Variants in ATP2A2 observed in about 807,000 individuals in gnomAD.
The protein encoded by ATP2A2 is sarcoplasmic/endoplasmic reticulum calcium ATPase 2.
ATP2A2 carries 14 observed loss-of-function variants against 109.3 expected under a neutral mutation model. The ratio of observed to expected loss-of-function variants is 0.13; its 90% confidence interval spans 0.08 to 0.20. The LOEUF is 0.20. ATP2A2 is among the 10% of genes least tolerant of loss of function. The probability of loss-of-function intolerance (pLI) is 1.00; values close to 1 mark genes in which losing one functional copy is unlikely to be tolerated. For synonymous variants in ATP2A2, 506 were observed against 490.9 expected, an observed-to-expected ratio of 1.03 and a Z score of -0.41; for missense variants, 657 against 1,321.6, an observed-to-expected ratio of 0.50 and a Z score of 7.80.
intron 5 of ATP2A2, among the ~76,000 whole-genome samples, chr12:110,318,382 TC>T (rs1876886735): frequency 6.6e-6 from 1 of 152,190 alleles, no homozygotes; most frequent in Non-Finnish European, 1.5e-5. Flanking sequence ...TACTTTTACT[TC>T]CTAGCCTGAG....
At position 110,293,864 on chromosome 12, in the gene ATP2A2, GTA is replaced by G. The variant is rs1566204008; in HGVS notation, c.324+1746_324+1747del. Reference sequence around the variant, plus strand: ...TGTGTGTGTGTGTGTGTGTGTGTGTGTATATATTTTTTTTTTTTTTTTTTTTT... The same window carrying G: ...TGTGTGTGTGTGTGTGTGTGTGTGTGTATATTTTTTTTTTTTTTTTTTTTT... On this transcript the variant is annotated intron_variant, in intron 4 of 19. Transcript: ENST00000539276. Among the ~76,000 whole-genome samples the G allele has an allele frequency of 4.0e-4, 34 of 84,860 alleles. 1 individual carries two copies. The highest frequency in any genetic ancestry group is 9.1e-4 in the South Asian group (3 of 3,290). 55.7% of individuals were successfully genotyped at this position (84,860 alleles called of 152,430 possible).
chr12:110,332,617 G>A lies in ATP2A2; in HGVS notation c.1116G>A (p.Val372=). Residue 372 remains valine (V), a synonymous_variant, in exon 9 of 20, where the codon GTG becomes GTA. Coordinates refer to ENST00000539276, the MANE Select transcript of ATP2A2 (RefSeq NM_170665.4). ...TACAGATGTTCATTCTGGACAGAGTGGAAGGTGATACTTGTTCCCTTAATG... is the reference window on the plus strand; with the variant it reads ...TACAGATGTTCATTCTGGACAGAGTAGAAGGTGATACTTGTTCCCTTAATG... ...SVCRMFILDR[V]EGDTCSLNEF... The A allele has an allele frequency of 1.2e-6, 2 of 1,613,424 alleles. No individual in the cohort carries two copies. Among genetic ancestry groups the A allele is most frequent in the Admixed American group, 1.7e-5 (1 of 60,028 alleles).
chr12:110,282,633 A>G lies in ATP2A2; in HGVS notation c.136+12A>G, dbSNP rs777008704. The G allele has an allele frequency of 6.8e-6, 11 of 1,613,562 alleles. No individual in the cohort carries two copies. The highest frequency in any genetic ancestry group is 1.3e-5 in the African/African-American group (1 of 74,758). On this transcript the variant is annotated intron_variant, in intron 2 of 19. Transcript: ENST00000539276. ...ACCGGCTGAAGAAGGTAATCTTAAC[A>G]TGCTGTTTCTGTTTTTTTTCCTCTG...
Position 110,281,552 on chromosome 12 carries a change from T to G in ATP2A2, c.-238T>G, listed in dbSNP as rs983622833. 9.5e-5 allele frequency: 22 copies of G among 230,812 alleles called. No individual in the cohort carries two copies. Among genetic ancestry groups the G allele is most frequent in the South Asian group, 3.0e-4 (2 of 6,626 alleles). The allele number at this position is 230,812 out of a possible 1,614,324, so 14.3% of individuals were successfully genotyped here. On this transcript the variant is annotated 5_prime_UTR_variant, in exon 1 of 20. Coordinates refer to ENST00000539276, the MANE Select transcript of ATP2A2 (RefSeq NM_170665.4). ...TCCCTTCTGGCGAGGGGAGGGAGGG[T>G]GGGTCAGGAGCCCCCAACCCGCCCT... is the stretch of plus-strand genomic sequence containing the variant.
rs1232928103 is a variant in ATP2A2 at position 110,348,951 on chromosome 12, G to A, written c.*2481G>A. 1 of 985,438 alleles carries A rather than the reference G, an allele frequency of 1.0e-6. No individual in the cohort carries two copies. 61.0% of individuals were successfully genotyped at this position (985,438 alleles called of 1,614,324 possible). On this transcript the variant is annotated 3_prime_UTR_variant, in exon 20 of 20. Coordinates refer to ENST00000539276, the MANE Select transcript of ATP2A2 (RefSeq NM_170665.4). ...GTGCAAACAAAACTCAGCTTTTCCT[G>A]ACTCAGTTCCTTGACTTAGTGGCCT...
intron 10 of ATP2A2, 106 bp downstream of exon 10, chr12:110,333,389 C>A: frequency 9.1e-7 from 1 of 1,098,906 alleles, no homozygotes; most frequent in Non-Finnish European, 1.4e-6. Flanking sequence ...GTCAAGGGTG[C>A]CTGATTTTGT....
At chr12:110,315,898 CACTGTGCTCCAGCCTGGGTG>C (rs1876614626) in intron 5 of ATP2A2, among the ~76,000 whole-genome samples, 1 of 152,176 alleles carries the variant, frequency 6.6e-6, no homozygotes, top group African/African-American at 2.4e-5. Flanking sequence ...GAGATCACGC[CACTGTGCTCCAGCCTGGGTG>C]ACAGAGCAAA....
intron 1 of ATP2A2, 52 bp from the exon 2 acceptor site, chr12:110,282,552 T>G: frequency 1.2e-6 from 2 of 1,605,334 alleles, no homozygotes; most frequent in East Asian, 2.2e-5. Flanking sequence ...CTCTCTTTTT[T>G]TTTTTAACCT....
Position 110,282,434 on chromosome 12 carries a change from C to T in ATP2A2, c.119-170C>T, listed in dbSNP as rs573952845. Among the ~76,000 whole-genome samples the T allele has an allele frequency of 9.9e-5, 15 of 151,990 alleles. 1 individual carries two copies. In the South Asian group the frequency reaches 2.5e-3, roughly 25 times the overall value. On this transcript the variant is annotated intron_variant, in intron 1 of 19. Coordinates refer to ENST00000539276, the MANE Select transcript of ATP2A2 (RefSeq NM_170665.4). ...TCCTTGAGATATCTTCGTGGTATGC[C>T]CTCTGCTAAAAAAATCGGATATTCT... is the stretch of plus-strand genomic sequence containing the variant.
In ATP2A2 at chr12:110,346,610, C is replaced by T. The variant is rs2137876655; in HGVS notation, c.*140C>T. The stretch of plus-strand genomic sequence containing the variant: ...GTTTCATACTCTAGATTTTGTTTTG[C>T]TTTTTCTGACTCCAGTGGGGCAAGA... On this transcript the variant is annotated 3_prime_UTR_variant, in exon 20 of 20. Transcript: ENST00000539276. 5 of 1,502,718 alleles carry T rather than the reference C, an allele frequency of 3.3e-6. No homozygotes were observed. The highest frequency in any genetic ancestry group is 1.7e-4 in the Middle Eastern group (1 of 5,742). The allele number at this position is 1,502,718 out of a possible 1,614,324, so 93.1% of individuals were successfully genotyped here.
chr12:110,346,552 A>G lies in ATP2A2; in HGVS notation c.*82A>G. 6.3e-7 allele frequency: 1 copy of G among 1,579,214 alleles called. No individual in the cohort carries two copies. The highest frequency in any genetic ancestry group is 1.1e-5 in the South Asian group (1 of 87,254). On this transcript the variant is annotated 3_prime_UTR_variant, in exon 20 of 20. Transcript: ENST00000539276. ...TAAAGCAACTGTCTATTTCTGCTGA[A>G]TTTTCACATGAACATACTGGCTGGT... is the stretch of plus-strand genomic sequence containing the variant.
At position 110,346,290 on chromosome 12, in the gene ATP2A2, C is replaced by T; in HGVS notation, c.2949C>T (p.Leu983=). Residue 983 remains leucine (L), a synonymous_variant, in exon 20 of 20, where the codon CTC becomes CTT. Coordinates refer to ENST00000539276, the MANE Select transcript of ATP2A2 (RefSeq NM_170665.4). The part of the protein sequence containing the change: ...SLPVILMDET[L]KFVARNYLEP... ...CCGTGATTCTCATGGATGAGACGCT[C>T]AAGTTTGTGGCCCGCAACTACCTGG... The T allele has an allele frequency of 1.2e-6, 2 of 1,614,142 alleles. No homozygotes were observed. The highest frequency in any genetic ancestry group is 1.7e-6 in the Non-Finnish European group (2 of 1,180,018).
At chr12:110,311,413 C>T (rs1472346525) in intron 5 of ATP2A2, among the ~76,000 whole-genome samples, 1 of 151,728 alleles carries the variant, frequency 6.6e-6, no homozygotes, top group East Asian at 2.0e-4. Context: ...GATGGTGAAA[C>T]CCCCGTCTCT....
chr12:110,322,615 A>G (rs554400225), intron 5 of ATP2A2, among the ~76,000 whole-genome samples: 12 of 152,350 alleles, frequency 7.9e-5, no homozygotes, highest in Middle Eastern at 3.4e-3. Context: ...ATCATGGCAT[A>G]TACAACTTTA....
In ATP2A2 at chr12:110,339,802, A is replaced by G. The variant is rs1028676241; in HGVS notation, c.1761+81A>G. On this transcript the variant is annotated intron_variant, in intron 13 of 19. Coordinates refer to ENST00000539276, the MANE Select transcript of ATP2A2 (RefSeq NM_170665.4). The surrounding 1 kb of genome is among the most constrained non-coding windows in gnomAD (Gnocchi z 4.4). ...CAGTACTCCTTCAAGCAAAAGGTCAAACAGTTCTCACTTTTGCCAAGAAAG... is the reference window on the plus strand; with the variant it reads ...CAGTACTCCTTCAAGCAAAAGGTCAGACAGTTCTCACTTTTGCCAAGAAAG... 5.5e-6 allele frequency: 8 copies of G among 1,442,240 alleles called. No homozygotes were observed. The highest frequency in any genetic ancestry group is 4.2e-5 in the African/African-American group (3 of 71,486). The allele number at this position is 1,442,240 out of a possible 1,614,324, so 89.3% of individuals were successfully genotyped here. A position where few individuals can be genotyped will look rare whatever the true frequency, so the allele number is the denominator to read the frequency against.
At chr12:110,320,237 T>A (rs3026467) in intron 5 of ATP2A2, among the ~76,000 whole-genome samples, 2,577 of 152,314 alleles carry the variant, frequency 0.017, 74 homozygotes, top group African/African-American at 0.058. Flanking sequence ...CTTTTAAAAT[T>A]TGTCAAGTAT....
In ATP2A2 at chr12:110,342,549, C is replaced by A; in HGVS notation, c.2318+101C>A. ...CTCTCCAGATTGCAGCAGCTTTGGTCTTTGTGCCTGAGTTGGAAGAGGGGA... is the reference window on the plus strand; with the variant it reads ...CTCTCCAGATTGCAGCAGCTTTGGTATTTGTGCCTGAGTTGGAAGAGGGGA... On this transcript the variant is annotated intron_variant, in intron 15 of 19. Coordinates refer to ENST00000539276, the MANE Select transcript of ATP2A2 (RefSeq NM_170665.4). The surrounding 1 kb of genome is among the most constrained non-coding windows in gnomAD (Gnocchi z 4.6). 7.3e-7 allele frequency: 1 copy of A among 1,367,340 alleles called. No homozygotes were observed. The allele number at this position is 1,367,340 out of a possible 1,614,324, so 84.7% of individuals were successfully genotyped here. A position where few individuals can be genotyped will look rare whatever the true frequency, so the allele number is the denominator to read the frequency against.
At chr12:110,304,339 A>T (rs979869793) in intron 5 of ATP2A2, among the ~76,000 whole-genome samples, 2 of 152,202 alleles carry the variant, frequency 1.3e-5, no homozygotes, top group Admixed American at 1.3e-4. Context: ...GTGACTCTAT[A>T]CTTAACATTT....
chr12:110,309,146 T>TTTTTTTTTTTTTTTTTG, intron 5 of ATP2A2, among the ~76,000 whole-genome samples: 1 of 84,704 alleles, frequency 1.2e-5, no homozygotes, highest in Non-Finnish European at 2.4e-5. Context: ...ACTAATTTTT[T>TTTTTTTTTTTTTTTTTG]TTTTTTTTTT....
Sources: gnomAD v4.1 joint callset for allele counts (sites outside exome capture counted in the v4.1 genomes callset) on GRCh38, gnomAD v4.1.1 for gene constraint, Gnocchi (gnomAD v3.1) non-coding constraint, MANE v1.5 for transcripts, NCBI Gene and HGNC (gene_info 2026-07-23, HGNC 2026-07-21) for gene names.